Variants in PRKG1 observed in about 807,000 individuals in gnomAD.
PRKG1 encodes protein kinase cGMP-dependent 1.
In PRKG1, 35 loss-of-function variants were observed where a neutral mutation model predicts 88.1. The observed-to-expected ratio is 0.40, with a 90% CI of 0.30 to 0.53. PRKG1 has a LOEUF of 0.53. PRKG1 is among the 20% of genes least tolerant of loss of function. The probability of loss-of-function intolerance (pLI) is 0.59; values close to 1 mark genes in which losing one functional copy is unlikely to be tolerated. For missense variants in PRKG1, 540 were observed against 839.8 expected, an observed-to-expected ratio of 0.64 and a Z score of 4.41; for synonymous variants, 303 against 292.5, an observed-to-expected ratio of 1.04 and a Z score of -0.37.
At chr10:52,241,375 G>C (rs1353105018) in intron 9 of PRKG1, among the ~76,000 whole-genome samples, 1 of 152,178 alleles carries the variant, frequency 6.6e-6, no homozygotes, top group African/African-American at 2.4e-5. Context: ...CTGTCAAGCT[G>C]TAAGTGAGCT....
chr10:51,164,682 C>T (rs1246110382), intron 2 of PRKG1, among the ~76,000 whole-genome samples: 1 of 151,960 alleles, frequency 6.6e-6, no homozygotes, highest in East Asian at 1.9e-4. Flanking sequence ...ACTAGAATAA[C>T]CAATACAGAG....
intron 2 of PRKG1, among the ~76,000 whole-genome samples, chr10:51,238,166 GC>G (rs537338814): frequency 2.3e-3 from 343 of 152,200 alleles, no homozygotes; most frequent in African/African-American, 7.8e-3. Context: ...TTTCACTGTA[GC>G]CAGGAAAGCA....
At chr10:51,044,025 G>A (rs1345234467) in intron 1 of PRKG1, among the ~76,000 whole-genome samples, 6 of 152,110 alleles carry the variant, frequency 3.9e-5, no homozygotes, top group African/African-American at 7.2e-5. Flanking sequence ...AGAAAATACT[G>A]TCTATTTTAC....
At chr10:52,052,442 TAATTA>T (rs1375273880) in intron 5 of PRKG1, among the ~76,000 whole-genome samples, 1 of 151,434 alleles carries the variant, frequency 6.6e-6, no homozygotes, top group East Asian at 1.9e-4. Context: ...ATAATAATAA[TAATTA>T]AATTAACTAG....
chr10:51,542,699 G>A (rs1842337938), intron 3 of PRKG1, among the ~76,000 whole-genome samples: 1 of 152,010 alleles, frequency 6.6e-6, no homozygotes, highest in Non-Finnish European at 1.5e-5. Flanking sequence ...TATTGAAGCA[G>A]TCTGGCTGGA....
chr10:51,404,799 A>G (rs1018902961), intron 2 of PRKG1, among the ~76,000 whole-genome samples: 11 of 152,060 alleles, frequency 7.2e-5, no homozygotes, highest in Non-Finnish European at 1.6e-4. Flanking sequence ...GGCCATGGAG[A>G]GCAGAAATCT....
rs1258428141 is a variant in PRKG1 at position 51,167,548 on chromosome 10, A to C, written c.478+14218A>C. ...AAATGGATTCCACTAATAATCTTGG[A>C]AGAAAAATTGGATTGTAGAGTAGTG... On this transcript the variant is annotated intron_variant, in intron 2 of 17. Transcript: ENST00000373980. 2.6e-5 allele frequency among the ~76,000 whole-genome samples: 4 copies of C among 152,284 alleles called. No homozygotes were observed. In the South Asian group the frequency reaches 8.3e-4, roughly 32 times the overall value.
At chr10:51,347,788 G>A (rs765777639) in intron 2 of PRKG1, among the ~76,000 whole-genome samples, 29 of 152,104 alleles carry the variant, frequency 1.9e-4, no homozygotes, top group Admixed American at 1.2e-3. Context: ...AAGGCTGGGC[G>A]CGGTGGCTCA....
intron 2 of PRKG1, among the ~76,000 whole-genome samples, chr10:51,311,392 A>G (rs891903620): frequency 1.8e-4 from 27 of 152,336 alleles, no homozygotes; most frequent in African/African-American, 6.5e-4. Context: ...CTTCCTCAGT[A>G]TGCCTGCTGG....
intron 7 of PRKG1, among the ~76,000 whole-genome samples, chr10:52,085,049 T>C (rs938922733): frequency 6.6e-6 from 1 of 152,098 alleles, no homozygotes; most frequent in Non-Finnish European, 1.5e-5. Context: ...TAAGTGACGT[T>C]GTATTCTTCC....
rs192360018 is a variant in PRKG1 at position 51,653,524 on chromosome 10, T to A, written c.593-151061T>A. 9.8e-5 allele frequency among the ~76,000 whole-genome samples: 15 copies of A among 152,296 alleles called. No individual in the cohort carries two copies. In the East Asian group the frequency reaches 2.9e-3, roughly 29 times the overall value. On this transcript the variant is annotated intron_variant, in intron 3 of 17. Coordinates refer to ENST00000373980, the MANE Select transcript of PRKG1 (RefSeq NM_006258.4). The stretch of plus-strand genomic sequence containing the variant: ...ATATGTCTTCTTCTTTTGAGAAATA[T>A]CTGTTCAAGTCCTTTGCTTATTTTC...
At chr10:52,035,642 C>T (rs866576540) in intron 5 of PRKG1, among the ~76,000 whole-genome samples, 2 of 151,986 alleles carry the variant, frequency 1.3e-5, no homozygotes, top group African/African-American at 4.8e-5. Context: ...CGTGGGAGGC[C>T]GGATTGAAGT....
chr10:51,756,492 A>C (rs1837865701), intron 3 of PRKG1, among the ~76,000 whole-genome samples: 1 of 147,380 alleles, frequency 6.8e-6, no homozygotes. Context: ...CTCAAAAAAA[A>C]AAAAAAAAGT....
At chr10:51,886,133 C>T (rs1841562841) in intron 4 of PRKG1, among the ~76,000 whole-genome samples, 1 of 152,192 alleles carries the variant, frequency 6.6e-6, no homozygotes, top group African/African-American at 2.4e-5. Context: ...TCAAATGATC[C>T]TCCAGCTTCA....
chr10:51,335,223 G>T (rs1289218840), intron 2 of PRKG1, among the ~76,000 whole-genome samples: 2 of 151,620 alleles, frequency 1.3e-5, no homozygotes, highest in Non-Finnish European at 2.9e-5. Flanking sequence ...CGCTTGTCAG[G>T]TTTCTTAATT....
intron 7 of PRKG1, among the ~76,000 whole-genome samples, chr10:52,124,675 CT>C (rs1411856192): frequency 6.6e-6 from 1 of 152,032 alleles, no homozygotes; most frequent in Non-Finnish European, 1.5e-5. Context: ...TAATTTTTTA[CT>C]TTATAAACTT....
intron 3 of PRKG1, among the ~76,000 whole-genome samples, chr10:51,792,333 T>C (rs569705605): frequency 2.6e-4 from 40 of 152,248 alleles, no homozygotes; most frequent in Admixed American, 9.2e-4. Flanking sequence ...TTCCTTTTTT[T>C]CCCTGTTCTT....
At chr10:52,209,150 A>G (rs1231836856) in intron 9 of PRKG1, among the ~76,000 whole-genome samples, 1 of 152,210 alleles carries the variant, frequency 6.6e-6, no homozygotes, top group Non-Finnish European at 1.5e-5. Flanking sequence ...TAGGGGGTCC[A>G]TAAACTTTTT....
chr10:51,931,201 G>A (rs1842687606), intron 5 of PRKG1, among the ~76,000 whole-genome samples: 1 of 152,096 alleles, frequency 6.6e-6, no homozygotes, highest in Admixed American at 6.6e-5. Context: ...TAATTGTCCT[G>A]GATTGAACCT....
Sources: gnomAD v4.1 joint callset for allele counts (sites outside exome capture counted in the v4.1 genomes callset) on GRCh38, gnomAD v4.1.1 for gene constraint, MANE v1.5 for transcripts, NCBI Gene and HGNC (gene_info 2026-07-23, HGNC 2026-07-21) for gene names.